The following SLC24A2 variants were observed in gnomAD, a reference collection of about 807,000 sequenced individuals.
SLC24A2 encodes sodium/potassium/calcium exchanger 2.
Under a neutral mutation model 62.0 loss-of-function variants are expected in SLC24A2, and 36 were observed. The observed-to-expected ratio is 0.58, with a 90% CI of 0.44 to 0.77. The LOEUF (loss-of-function observed/expected upper bound fraction) is 0.77. SLC24A2 is among the 30% of genes least tolerant of loss of function. SLC24A2 has a pLI of 0.00. For missense variants in SLC24A2, 846 were observed against 817.9 expected (o/e 1.03, Z -0.42); for synonymous variants, 358 against 294.0 (o/e 1.22, Z -2.23).
chr9:19,911,741 C>A, the SLC24A2 span, among the ~76,000 whole-genome samples: 1 of 152,266 alleles, frequency 6.6e-6, no homozygotes, highest in East Asian at 1.9e-4. Flanking sequence ...TTCCACTCAG[C>A]CTGTCCTATG....
At chr9:19,565,178 G>C (rs2132819583) in intron 7 of SLC24A2, among the ~76,000 whole-genome samples, 1 of 152,280 alleles carries the variant, frequency 6.6e-6, no homozygotes, top group South Asian at 2.1e-4. Context: ...AATTGTCCCT[G>C]TTTGCAGATG....
intron 5 of SLC24A2, among the ~76,000 whole-genome samples, chr9:19,579,063 C>T (rs923426088): frequency 6.6e-6 from 1 of 152,088 alleles, no homozygotes; most frequent in Admixed American, 6.6e-5. Context: ...ACGACTCCAT[C>T]CATGAGGAAT....
the SLC24A2 span, among the ~76,000 whole-genome samples, chr9:19,878,553 G>A: frequency 1.1e-4 from 17 of 152,148 alleles, no homozygotes; most frequent in Admixed American, 9.2e-4. Flanking sequence ...CCCACTGTTG[G>A]AGGTGGGGCC....
chr9:19,897,931 C>A, the SLC24A2 span, among the ~76,000 whole-genome samples: 1 of 152,184 alleles, frequency 6.6e-6, no homozygotes, highest in Non-Finnish European at 1.5e-5. Flanking sequence ...ATTCCCCATC[C>A]CACTTTTCCT....
the SLC24A2 span, among the ~76,000 whole-genome samples, chr9:20,217,237 C>T: frequency 1.2e-4 from 19 of 152,152 alleles, no homozygotes; most frequent in Middle Eastern, 0.014. Flanking sequence ...TGTATGATTC[C>T]ATATATATAA....
chr9:20,272,263 T>C, the SLC24A2 span, among the ~76,000 whole-genome samples: 1 of 152,206 alleles, frequency 6.6e-6, no homozygotes, highest in Non-Finnish European at 1.5e-5. Context: ...CTCAGTAGTA[T>C]AGCAAACATC....
chr9:19,587,219 C>T (rs1237082314), intron 5 of SLC24A2, among the ~76,000 whole-genome samples: 8 of 152,052 alleles, frequency 5.3e-5, no homozygotes, highest in Non-Finnish European at 2.9e-5. Flanking sequence ...TTATGATGAC[C>T]TATATATAAA....
the SLC24A2 span, among the ~76,000 whole-genome samples, chr9:20,090,206 T>C: frequency 1.2e-3 from 180 of 152,192 alleles, 1 homozygote; most frequent in East Asian, 0.017. Flanking sequence ...AGAGCCCCCA[T>C]CCAGGGCTGA....
chr9:19,645,969 T>C (rs1818628298), intron 2 of SLC24A2, among the ~76,000 whole-genome samples: 1 of 152,208 alleles, frequency 6.6e-6, no homozygotes, highest in Non-Finnish European at 1.5e-5. Flanking sequence ...TGTGTGATCT[T>C]GGGAAAGGCA....
chr9:20,094,911 C>T, the SLC24A2 span, among the ~76,000 whole-genome samples: 5 of 152,108 alleles, frequency 3.3e-5, no homozygotes, highest in African/African-American at 7.2e-5. Flanking sequence ...TTATAATTAA[C>T]CTTTCAAAGT....
At chr9:20,282,388 T>C in the SLC24A2 span, among the ~76,000 whole-genome samples, 2 of 152,150 alleles carry the variant, frequency 1.3e-5, no homozygotes, top group Non-Finnish European at 2.9e-5. Flanking sequence ...GGAGACAAAA[T>C]CCAATATTTA....
intron 9 of SLC24A2, among the ~76,000 whole-genome samples, chr9:19,523,281 C>G (rs975141214): frequency 1.3e-5 from 2 of 152,152 alleles, no homozygotes; most frequent in East Asian, 1.9e-4. Flanking sequence ...GTGCTGGGTA[C>G]AAATCCTAGC....
chr9:19,916,915 C>A, the SLC24A2 span, among the ~76,000 whole-genome samples: 1 of 145,802 alleles, frequency 6.9e-6, no homozygotes, highest in African/African-American at 2.5e-5. Context: ...TGGTTAAATT[C>A]TGTACCATTC....
the SLC24A2 span, among the ~76,000 whole-genome samples, chr9:19,999,275 A>T: frequency 6.6e-6 from 1 of 152,192 alleles, no homozygotes; most frequent in Non-Finnish European, 1.5e-5. Context: ...ATCCCTGAAG[A>T]CTTGTGGTTC....
At chr9:20,208,986 A>G in the SLC24A2 span, among the ~76,000 whole-genome samples, 1 of 152,240 alleles carries the variant, frequency 6.6e-6, no homozygotes, top group South Asian at 2.1e-4. Flanking sequence ...TCAACTGCTT[A>G]CTAGCTCTGT....
At chr9:19,967,219 T>C in the SLC24A2 span, 1 of 152,182 alleles carries the variant, frequency 6.6e-6, no homozygotes, top group Non-Finnish European at 1.5e-5. Flanking sequence ...CTCCCAGCAT[T>C]AGCATCAATA....
chr9:19,677,986 G>A (rs1181937271), intron 2 of SLC24A2, among the ~76,000 whole-genome samples: 1 of 152,102 alleles, frequency 6.6e-6, no homozygotes, highest in Admixed American at 6.6e-5. Context: ...GCCATGGAAG[G>A]AACAGAGGGC....
the SLC24A2 span, among the ~76,000 whole-genome samples, chr9:20,128,014 G>A: frequency 1.4e-4 from 22 of 152,130 alleles, no homozygotes; most frequent in African/African-American, 5.3e-4. Context: ...TACTATGTAG[G>A]AATGCCAATT....
the SLC24A2 span, among the ~76,000 whole-genome samples, chr9:19,890,560 ACTT>A: frequency 4.5e-4 from 68 of 152,260 alleles, no homozygotes; most frequent in African/African-American, 1.5e-3. Context: ...CTCACTGATG[ACTT>A]CTTCTCCTTT....
Sources: gnomAD v4.1 joint callset for allele counts (sites outside exome capture counted in the v4.1 genomes callset) on GRCh38, gnomAD v4.1.1 for gene constraint, MANE v1.5 for transcripts, NCBI Gene and HGNC (gene_info 2026-07-23, HGNC 2026-07-21) for gene names.